Variants in MCC observed in about 807,000 individuals in gnomAD.
MCC encodes colorectal mutant cancer protein.
In MCC, 90 loss-of-function variants were observed where a neutral mutation model predicts 116.2. That is an observed-to-expected ratio of 0.77 (90% CI 0.65 to 0.92). MCC has a LOEUF of 0.92. Among genes scored for constraint, MCC ranks in the 40% least tolerant of loss-of-function variants. The probability of loss-of-function intolerance (pLI) is 0.00; values close to 1 mark genes in which losing one functional copy is unlikely to be tolerated. For missense variants in MCC, 1,516 were observed against 1,312.2 expected, an observed-to-expected ratio of 1.16 and a Z score of -2.40; for synonymous variants, 578 against 510.5, an observed-to-expected ratio of 1.13 and a Z score of -1.78.
chr5:113,168,581 G>A (rs1043655871), intron 3 of MCC, among the ~76,000 whole-genome samples: 4 of 152,164 alleles, frequency 2.6e-5, no homozygotes, highest in Non-Finnish European at 5.9e-5. Context: ...ATACAAAGCA[G>A]GCTCTTTCTA....
chr5:113,318,650 G>C (rs940920654), intron 3 of MCC, among the ~76,000 whole-genome samples: 1 of 151,996 alleles, frequency 6.6e-6, no homozygotes, highest in Admixed American at 6.6e-5. Flanking sequence ...TGAATACATA[G>C]AGGGGAACAA....
chr5:113,027,507 G>A (rs1750640482), intron 18 of MCC, 25 bp from the exon 19 acceptor site: 1 of 1,610,630 alleles, frequency 6.2e-7, no homozygotes, highest in Non-Finnish European at 8.5e-7. Flanking sequence ...AGGGAAATTG[G>A]TATTAAGATT....
At chr5:113,368,789 G>T (rs7718480) in intron 2 of MCC, among the ~76,000 whole-genome samples, 69,923 of 151,906 alleles carry the variant, frequency 0.46, 17,430 homozygotes, top group African/African-American at 0.64. Context: ...TACCTAGAGA[G>T]AGCATCAGCT....
intron 3 of MCC, among the ~76,000 whole-genome samples, chr5:113,212,993 G>A (rs1019207314): frequency 3.3e-5 from 5 of 152,004 alleles, no homozygotes; most frequent in South Asian, 2.1e-4. Context: ...TGGTTCCAGC[G>A]TTCCTTCTTT....
Position 113,216,524 on chromosome 5 carries a change from T to A in MCC, c.628-65102A>T, listed in dbSNP as rs540738836. Among the ~76,000 whole-genome samples the A allele has an allele frequency of 2.0e-5, 3 of 152,316 alleles. 1 individual carries two copies. The highest frequency in any genetic ancestry group is 7.2e-5 in the African/African-American group (3 of 41,580). ...TGGCTCCTTGAGGACAAGGCCCATG[T>A]CTTACAGACATAATTCAGCACAGTG... On this transcript the variant is annotated intron_variant, in intron 3 of 18. Transcript: ENST00000408903.
At position 113,164,333 on chromosome 5, in the gene MCC, C is replaced by T. The variant is rs376528413; in HGVS notation, c.628-12911G>A. Among the ~76,000 whole-genome samples, 4 of 152,184 alleles carry T rather than the reference C, an allele frequency of 2.6e-5. No homozygotes were observed. The East Asian group carries it at 7.7e-4, about 29-fold the overall frequency. ...TACATAGCAACTCTGAAATTGCCTC[C>T]TTGCAACTTGTCCCATTGGTCTAGT... On this transcript the variant is annotated intron_variant, in intron 3 of 18. Transcript: ENST00000408903.
intron 3 of MCC, among the ~76,000 whole-genome samples, chr5:113,321,814 A>T (rs956517843): frequency 5.3e-5 from 8 of 152,128 alleles, no homozygotes; most frequent in Non-Finnish European, 1.0e-4. Flanking sequence ...GGTGATGCCC[A>T]TGATTTGTAT....
intron 1 of MCC, among the ~76,000 whole-genome samples, chr5:113,421,274 C>G (rs994346304): frequency 2.0e-5 from 3 of 152,072 alleles, no homozygotes; most frequent in Admixed American, 2.0e-4. Context: ...GATCTGCCCG[C>G]CTGGACTCCC....
At chr5:113,206,368 T>G (rs940039084) in intron 3 of MCC, among the ~76,000 whole-genome samples, 1 of 152,224 alleles carries the variant, frequency 6.6e-6, no homozygotes, top group African/African-American at 2.4e-5. Flanking sequence ...AATTTTCTCC[T>G]CTTGGCTTTA....
At chr5:113,340,036 A>C (rs552858843) in intron 3 of MCC, among the ~76,000 whole-genome samples, 190 of 152,400 alleles carry the variant, frequency 1.2e-3, no homozygotes, top group African/African-American at 4.3e-3. Context: ...AGGAAAAAGG[A>C]AGGTAAATTA....
At chr5:113,166,407 G>GA (rs1332347842) in intron 3 of MCC, among the ~76,000 whole-genome samples, 5 of 152,178 alleles carry the variant, frequency 3.3e-5, no homozygotes, top group Non-Finnish European at 7.4e-5. Context: ...TACAGCGGTA[G>GA]AAAAAATGTT....
intron 3 of MCC, among the ~76,000 whole-genome samples, chr5:113,221,624 T>C (rs1763555432): frequency 1.3e-5 from 2 of 152,198 alleles, no homozygotes; most frequent in African/African-American, 4.8e-5. Flanking sequence ...GTGGTTGAGA[T>C]ATTTTGCAGA....
chr5:113,392,318 A>C (rs1769422109), intron 1 of MCC, among the ~76,000 whole-genome samples: 1 of 152,200 alleles, frequency 6.6e-6, no homozygotes, highest in African/African-American at 2.4e-5. Context: ...TGGCCAATGA[A>C]GATATAAAAA....
chr5:113,463,539 G>T (rs1771805993), intron 1 of MCC, among the ~76,000 whole-genome samples: 1 of 152,192 alleles, frequency 6.6e-6, no homozygotes, highest in Non-Finnish European at 1.5e-5. Context: ...TTCCAAGTTT[G>T]TTCTGGCTTC....
chr5:113,041,765 C>T (rs1336294219), intron 17 of MCC, among the ~76,000 whole-genome samples: 1 of 152,104 alleles, frequency 6.6e-6, no homozygotes, highest in African/African-American at 2.4e-5. Context: ...GAGGCCAAGG[C>T]GGTTGGATCA....
chr5:113,284,644 T>C (rs149716875), intron 3 of MCC, among the ~76,000 whole-genome samples: 2 of 152,356 alleles, frequency 1.3e-5, no homozygotes, highest in East Asian at 1.9e-4. Context: ...TTATCAGTCA[T>C]GCAAATGGTT....
chr5:113,212,555 T>C (rs1028434302), intron 3 of MCC, among the ~76,000 whole-genome samples: 1 of 152,182 alleles, frequency 6.6e-6, no homozygotes, highest in Non-Finnish European at 1.5e-5. Flanking sequence ...TGACAAAAAA[T>C]GCAAGCCTCT....
intron 2 of MCC, among the ~76,000 whole-genome samples, chr5:113,373,948 C>G (rs1288203946): frequency 6.6e-6 from 1 of 151,610 alleles, no homozygotes; most frequent in African/African-American, 2.4e-5. Flanking sequence ...GTCACCCAAG[C>G]TGGAATGCAG....
Position 113,126,019 on chromosome 5 carries a change from T to G in MCC, c.885-3193A>C, listed in dbSNP as rs970963204. ...CTGATAAATGTTGAAAGTGACACTC[T>G]GTAGTGGTAGGTTTATAATAATGGA... On this transcript the variant is annotated intron_variant, in intron 5 of 18. Coordinates refer to ENST00000408903, the MANE Select transcript of MCC (RefSeq NM_001085377.2). 2.0e-5 allele frequency among the ~76,000 whole-genome samples: 3 copies of G among 152,314 alleles called. No individual in the cohort carries two copies. The South Asian group carries it at 6.2e-4, about 32-fold the overall frequency.
Sources: allele counts gnomAD v4.1 joint callset (sites outside exome capture counted in the v4.1 genomes callset), GRCh38; gene constraint gnomAD v4.1.1; transcripts MANE v1.5; gene names NCBI Gene and HGNC (gene_info 2026-07-23, HGNC 2026-07-21).